The following CHL1 variants were observed in gnomAD, a reference collection of about 807,000 sequenced individuals.
The protein encoded by CHL1 is cell adhesion molecule L1 like, also known as neural cell adhesion molecule L1-like protein.
Under a neutral mutation model 141.9 loss-of-function variants are expected in CHL1, and 96 were observed. The ratio of observed to expected loss-of-function variants is 0.68; its 90% CI spans 0.57 to 0.80. CHL1 has a LOEUF of 0.80. Ranked by LOEUF, CHL1 falls within the 30% of genes least tolerant of loss-of-function variation. The probability of loss-of-function intolerance (pLI) is 0.00; values close to 1 mark genes in which losing one functional copy is unlikely to be tolerated. For missense variants in CHL1, 1,820 were observed against 1,457.2 expected (o/e 1.25, Z -4.05); for synonymous variants, 613 against 502.2 (o/e 1.22, Z -2.95).
At chr3:271,573 A>T (rs1392894977) in intron 2 of CHL1, among the ~76,000 whole-genome samples, 6 of 152,244 alleles carry the variant, frequency 3.9e-5, no homozygotes, top group African/African-American at 1.4e-4. Flanking sequence ...AGATTTGTAT[A>T]TTGGAAGCTT....
At chr3:198,098 C>T (rs535427983) in intron 1 of CHL1, 16 of 283,110 alleles carry the variant, frequency 5.7e-5, no homozygotes, top group Non-Finnish European at 9.9e-5. Flanking sequence ...CCCAGGTACC[C>T]CCGCCCCAGA....
rs73814708 is a variant in CHL1 at position 352,843 on chromosome 3, C to T, written c.1034-1797C>T. Among the ~76,000 whole-genome samples, 443 of 152,266 alleles carry T rather than the reference C, an allele frequency of 2.9e-3. 2 individuals carry two copies. Among genetic ancestry groups the T allele is most frequent in the African/African-American group, 0.01 (417 of 41,560 alleles). On this transcript the variant is annotated intron_variant, in intron 10 of 27. Transcript: ENST00000256509. ...AGTCAGTTGATAAATATTGGGGGAGCTTGGATTTGGAAGCATAAATTGGGC... is the reference window on the plus strand; with the variant it reads ...AGTCAGTTGATAAATATTGGGGGAGTTTGGATTTGGAAGCATAAATTGGGC...
intron 1 of CHL1, among the ~76,000 whole-genome samples, chr3:211,467 T>G (rs560989708): frequency 1.3e-5 from 2 of 152,338 alleles, no homozygotes; most frequent in East Asian, 3.9e-4. Context: ...GATGAAGAAC[T>G]GCTGCCATGT....
intron 11 of CHL1, among the ~76,000 whole-genome samples, chr3:355,767 G>C (rs1396412181): frequency 6.6e-6 from 1 of 152,074 alleles, no homozygotes; most frequent in Non-Finnish European, 1.5e-5. Flanking sequence ...GGTTGTGCTT[G>C]AATGAAAAAA....
intron 20 of CHL1, among the ~76,000 whole-genome samples, chr3:389,939 C>G (rs1011872468): frequency 6.6e-6 from 1 of 152,178 alleles, no homozygotes; most frequent in Non-Finnish European, 1.5e-5. Flanking sequence ...TATGCACACA[C>G]ACCTTCTGAT....
At chr3:360,926 AT>A (rs559118752) in intron 12 of CHL1, among the ~76,000 whole-genome samples, 19 of 151,056 alleles carry the variant, frequency 1.3e-4, no homozygotes, top group African/African-American at 4.1e-4. Context: ...TGAACTCATC[AT>A]TTTTTATGGC....
At chr3:399,267 G>A in intron 26 of CHL1, 119 bp downstream of exon 26, 1 of 715,206 alleles carries the variant, frequency 1.4e-6, no homozygotes, top group Non-Finnish European at 2.4e-6. Context: ...TAGCAAGTTA[G>A]ATGTACAATG....
At chr3:402,488 T>C (rs938276518) in intron 27 of CHL1, among the ~76,000 whole-genome samples, 6 of 152,232 alleles carry the variant, frequency 3.9e-5, no homozygotes, top group Non-Finnish European at 5.9e-5. Context: ...TTCTCAGGTC[T>C]CCTGTATATT....
intron 2 of CHL1, among the ~76,000 whole-genome samples, chr3:281,094 G>A (rs1696609900): frequency 6.6e-6 from 1 of 152,096 alleles, no homozygotes. Context: ...GGTTTCTCAA[G>A]GGTAGAGACC....
intron 2 of CHL1, among the ~76,000 whole-genome samples, chr3:290,040 T>G (rs644934): frequency 1.3e-5 from 2 of 150,398 alleles, no homozygotes; most frequent in Non-Finnish European, 3.0e-5. Flanking sequence ...TCACCCCTCA[T>G]TGAAGCTTGT....
chr3:402,349 A>G (rs1426038053), intron 27 of CHL1, among the ~76,000 whole-genome samples: 1 of 152,014 alleles, frequency 6.6e-6, no homozygotes. Context: ...CAAGAAGTCT[A>G]CTCTGAGCTA....
chr3:249,679 C>G (rs564344230), intron 2 of CHL1, among the ~76,000 whole-genome samples: 1 of 152,240 alleles, frequency 6.6e-6, no homozygotes, highest in South Asian at 2.1e-4. Flanking sequence ...TTCACAGTTG[C>G]AAACAGCAGG....
chr3:391,877 C>A, intron 23 of CHL1, 80 bp downstream of exon 23: 2 of 1,118,306 alleles, frequency 1.8e-6, no homozygotes, highest in Non-Finnish European at 2.5e-6. Context: ...TGTTGGGAGT[C>A]TAATGATCAC....
At position 366,335 on chromosome 3, in the gene CHL1, A is replaced by G. The variant is rs1704878360; in HGVS notation, c.1751+220A>G. The stretch of plus-strand genomic sequence containing the variant: ...AAAATACAAAAATTAGCCGGGCATG[A>G]TGGCACGTGCCTGTGATCCCAGCTA... On this transcript the variant is annotated intron_variant, in intron 15 of 27. Coordinates refer to ENST00000256509, the MANE Select transcript of CHL1 (RefSeq NM_006614.4). Among the ~76,000 whole-genome samples, 5 of 151,822 alleles carry G rather than the reference A, an allele frequency of 3.3e-5. No homozygotes were observed. In the South Asian group the frequency reaches 1.0e-3, roughly 32 times the overall value.
In CHL1 at chr3:325,974, C is replaced by G. The variant is rs1342284624; in HGVS notation, c.107C>G (p.Thr36Arg). Residue 36 changes from threonine (T) to arginine (R), a missense_variant, in exon 4 of 28, where the codon ACA becomes AGA. By Grantham distance (71) the Thr-to-Arg change is moderately conservative (BLOSUM62 -1). Coordinates refer to ENST00000256509, the MANE Select transcript of CHL1 (RefSeq NM_006614.4). ...TAATATTTAGTTCAACAGGTTCCAA[C>G]AATCATAAAACAGTCAAAAGTCCAA... ...EIPSSVQQVP[T>R]IIKQSKVQVA... 1.2e-6 allele frequency: 2 copies of G among 1,608,448 alleles called. No homozygotes were observed. The highest frequency in any genetic ancestry group is 1.7e-5 in the Admixed American group (1 of 59,534).
At chr3:267,628 T>C (rs1695268939) in intron 2 of CHL1, among the ~76,000 whole-genome samples, 1 of 152,218 alleles carries the variant, frequency 6.6e-6, no homozygotes, top group African/African-American at 2.4e-5. Flanking sequence ...TATCTCATTA[T>C]CTTTACCGAT....
At chr3:293,129 A>G (rs984000757) in intron 2 of CHL1, among the ~76,000 whole-genome samples, 6 of 152,256 alleles carry the variant, frequency 3.9e-5, no homozygotes, top group Non-Finnish European at 8.8e-5. Context: ...AGGTTAGTTT[A>G]TAAAAATCAA....
chr3:292,791 G>T (rs141056557), intron 2 of CHL1, among the ~76,000 whole-genome samples: 1 of 152,144 alleles, frequency 6.6e-6, no homozygotes, highest in African/African-American at 2.4e-5. Flanking sequence ...GGGAGAGAGT[G>T]GGGGAGGCGC....
chr3:211,011 T>A (rs1460571100), intron 1 of CHL1, among the ~76,000 whole-genome samples: 2 of 152,212 alleles, frequency 1.3e-5, no homozygotes, highest in Non-Finnish European at 2.9e-5. Flanking sequence ...TCTCCTCTGA[T>A]CTATTTAGGT....
Sources: gnomAD v4.1 joint callset for allele counts (sites outside exome capture counted in the v4.1 genomes callset) on GRCh38, gnomAD v4.1.1 for gene constraint, MANE v1.5 for transcripts, NCBI Gene and HGNC (gene_info 2026-07-23, HGNC 2026-07-21) for gene names.